The following RBFOX1 variants were observed in gnomAD, a reference collection of about 807,000 sequenced individuals.
RBFOX1 encodes RNA binding protein fox-1 homolog 1.
In RBFOX1, 8 loss-of-function variants were observed where a neutral mutation model predicts 57.7. The observed-to-expected ratio is 0.14, with a 90% CI of 0.08 to 0.25. The LOEUF (loss-of-function observed/expected upper bound fraction) is 0.25, where lower values mean the gene tolerates loss of function less well. Ranked by LOEUF, RBFOX1 falls within the 10% of genes least tolerant of loss-of-function variation. The pLI is 1.00. For synonymous variants in RBFOX1, 326 were observed against 222.4 expected, an observed-to-expected ratio of 1.47 and a Z score of -4.15; for missense variants, 611 against 548.5, an observed-to-expected ratio of 1.11 and a Z score of -1.14.
chr16:7,533,174 A>G (rs762380675), intron 5 of RBFOX1, among the ~76,000 whole-genome samples: 9 of 151,974 alleles, frequency 5.9e-5, no homozygotes, highest in Non-Finnish European at 1.0e-4. Flanking sequence ...TGAGTATGAT[A>G]CTCTTTCAGG....
chr16:5,919,098 C>T (rs1260441574), intron 4 of RBFOX1, among the ~76,000 whole-genome samples: 3 of 152,110 alleles, frequency 2.0e-5, no homozygotes, highest in Non-Finnish European at 4.4e-5. Flanking sequence ...CACCTGATAG[C>T]ACATAGGTAC....
chr16:5,950,161 C>G lies in RBFOX1; in HGVS notation c.351+82826C>G, dbSNP rs552202144. ...AAGAATGACTACATCATTTGCAAAA[C>G]CCAGTGAAAAATAAAAGTGTGAGGC... On this transcript the variant is annotated intron_variant, in intron 4 of 19. Coordinates refer to the RBFOX1 transcript ENST00000641259. Among the ~76,000 whole-genome samples, 6 of 152,282 alleles carry G rather than the reference C, an allele frequency of 3.9e-5. No homozygotes were observed. In the South Asian group the frequency reaches 1.2e-3, roughly 32 times the overall value.
At chr16:6,879,369 T>C (rs72768896) in intron 3 of RBFOX1, among the ~76,000 whole-genome samples, 34,238 of 152,152 alleles carry the variant, frequency 0.23, 4,821 homozygotes, top group Admixed American at 0.36. Context: ...ATTTCATCTC[T>C]CTCTCTGCCC....
At chr16:6,173,879 T>TTTTG (rs957787669) in intron 1 of RBFOX1, among the ~76,000 whole-genome samples, 5 of 151,114 alleles carry the variant, frequency 3.3e-5, no homozygotes, top group Non-Finnish European at 7.4e-5. Context: ...CAAAGTGCTG[T>TTTTG]TTTGTTTGTT....
At chr16:6,976,816 C>G (rs550477988) in intron 3 of RBFOX1, among the ~76,000 whole-genome samples, 3 of 145,730 alleles carry the variant, frequency 2.1e-5, no homozygotes, top group African/African-American at 5.0e-5. Context: ...TATAAATGAT[C>G]TAGATCATAT....
intron 2 of RBFOX1, among the ~76,000 whole-genome samples, chr16:5,503,762 A>C (rs1277933617): frequency 6.6e-6 from 1 of 152,144 alleles, no homozygotes; most frequent in African/African-American, 2.4e-5. Context: ...GGTTTTAAGT[A>C]TATTCAAAGT....
chr16:7,053,120 C>T (rs1235547366), intron 4 of RBFOX1, among the ~76,000 whole-genome samples: 3 of 152,164 alleles, frequency 2.0e-5, no homozygotes, highest in Non-Finnish European at 4.4e-5. Context: ...CTCATGATGG[C>T]AATAATTTGT....
At chr16:5,365,634 C>T (rs1464446344) in intron 1 of RBFOX1, among the ~76,000 whole-genome samples, 1 of 152,142 alleles carries the variant, frequency 6.6e-6, no homozygotes, top group African/African-American at 2.4e-5. Flanking sequence ...GTGCACTGTA[C>T]TCCAGCCTGG....
intron 2 of RBFOX1, among the ~76,000 whole-genome samples, chr16:6,444,359 A>G (rs2094444223): frequency 1.3e-5 from 2 of 152,078 alleles, no homozygotes; most frequent in South Asian, 2.1e-4. Flanking sequence ...CCCCACCCAA[A>G]TCTCATCTTG....
chr16:6,371,611 C>G (rs757041602), intron 2 of RBFOX1, among the ~76,000 whole-genome samples: 2 of 152,042 alleles, frequency 1.3e-5, no homozygotes, highest in Non-Finnish European at 2.9e-5. Flanking sequence ...TTGCCCCAGT[C>G]CTAGAGCCAG....
chr16:5,833,209 T>G (rs1301533374), intron 3 of RBFOX1, among the ~76,000 whole-genome samples: 1 of 152,096 alleles, frequency 6.6e-6, no homozygotes, highest in Non-Finnish European at 1.5e-5. Context: ...CAATATGAAA[T>G]CTGGCCAGGC....
At chr16:7,427,664 A>G (rs1253090216) in intron 4 of RBFOX1, among the ~76,000 whole-genome samples, 1 of 140,722 alleles carries the variant, frequency 7.1e-6, no homozygotes, top group East Asian at 2.1e-4. Flanking sequence ...ATTTTTTTTG[A>G]GATGGAGTCT....
At position 6,718,862 on chromosome 16, in the gene RBFOX1, T is replaced by C. The variant is rs560394426; in HGVS notation, c.-16+64212T>C. On this transcript the variant is annotated intron_variant, in intron 3 of 15. Transcript: ENST00000550418. ...TCTTTTTTTCTTATCTTTTTTTTTG[T>C]TGTTGTTGCTTGTTTTTTGAGACAG... 7.2e-5 allele frequency among the ~76,000 whole-genome samples: 11 copies of C among 152,162 alleles called. No homozygotes were observed. The East Asian group carries it at 2.1e-3, about 29-fold the overall frequency.
chr16:5,592,777 A>G (rs2047052456), intron 2 of RBFOX1, among the ~76,000 whole-genome samples: 1 of 152,194 alleles, frequency 6.6e-6, no homozygotes, highest in Non-Finnish European at 1.5e-5. Flanking sequence ...ATCTGGCCTC[A>G]TAGGCTCCTC....
At position 7,181,747 on chromosome 16, in the gene RBFOX1, GAC is replaced by G. The variant is rs1352748050; in HGVS notation, c.27+129653_27+129654del. Among the ~76,000 whole-genome samples the G allele has an allele frequency of 5.3e-5, 8 of 152,110 alleles. No individual in the cohort carries two copies. The South Asian group carries it at 1.2e-3, about 24-fold the overall frequency. On this transcript the variant is annotated intron_variant, in intron 4 of 15. Transcript: ENST00000550418. ...GCTAGGTTTTTGTATTTTTGGTAGA[GAC>G]ACAGTCTTGCCATGTTACCCAGGCT...
In RBFOX1 at chr16:5,574,497, C is replaced by T. The variant is rs112178282; in HGVS notation, c.259-24405C>T. On this transcript the variant is annotated intron_variant, in intron 2 of 2. Coordinates refer to the RBFOX1 transcript ENST00000585867. ...GTGGCACAATCTTGGCTCACTGCAA[C>T]CTCCACCTCCCGGGTTCAAGTGATT... is the stretch of plus-strand genomic sequence containing the variant. Among the ~76,000 whole-genome samples, 496 of 151,774 alleles carry T rather than the reference C, an allele frequency of 3.3e-3. 3 individuals carry two copies. Among genetic ancestry groups the T allele is most frequent in the African/African-American group, 0.011 (462 of 41,392 alleles).
At chr16:6,119,211 A>G (rs1343037451) in intron 1 of RBFOX1, among the ~76,000 whole-genome samples, 2 of 151,970 alleles carry the variant, frequency 1.3e-5, no homozygotes, top group African/African-American at 2.4e-5. Context: ...TGAGCTGTTT[A>G]TAATAATTAT....
intron 2 of RBFOX1, among the ~76,000 whole-genome samples, chr16:6,324,613 G>C (rs942878154): frequency 2.0e-5 from 3 of 152,108 alleles, no homozygotes; most frequent in Admixed American, 2.0e-4. Context: ...AGTGCCAATG[G>C]GATGTTACTA....
At chr16:6,411,309 G>A (rs922920345) in intron 2 of RBFOX1, among the ~76,000 whole-genome samples, 4 of 152,098 alleles carry the variant, frequency 2.6e-5, no homozygotes, top group East Asian at 3.9e-4. Context: ...CCATAGGTCC[G>A]GAGATGACTG....
Sources: gnomAD v4.1 joint callset for allele counts (sites outside exome capture counted in the v4.1 genomes callset) on GRCh38, gnomAD v4.1.1 for gene constraint, MANE v1.5 for transcripts, NCBI Gene and HGNC (gene_info 2026-07-23, HGNC 2026-07-21) for gene names.